Variants in ZDHHC6 observed in about 807,000 individuals in gnomAD.
ZDHHC6 encodes palmitoyltransferase ZDHHC6.
A neutral mutation model predicts 57.8 loss-of-function variants in ZDHHC6; 32 were observed. That is an observed-to-expected ratio of 0.55 (90% CI 0.42 to 0.74). The LOEUF (loss-of-function observed/expected upper bound fraction) is 0.74, where lower values mean the gene tolerates loss of function less well. Ranked by LOEUF, ZDHHC6 falls within the 30% of genes least tolerant of loss-of-function variation. The probability of loss-of-function intolerance (pLI) is 0.00; values close to 1 mark genes in which losing one functional copy is unlikely to be tolerated. For missense variants in ZDHHC6, 433 were observed against 500.7 expected (o/e 0.86, Z 1.29); for synonymous variants, 128 against 158.0 (o/e 0.81, Z 1.42).
rs1189027385 is a variant in ZDHHC6, at chr10:112,443,519, T to C, written c.355A>G (p.Asn119Asp). The C allele has an allele frequency of 3.7e-6, 6 of 1,613,490 alleles. No individual in the cohort carries two copies. The highest frequency in any genetic ancestry group is 5.1e-6 in the Non-Finnish European group (6 of 1,179,616). Residue 119 changes from asparagine (N) to aspartate (D), a missense_variant, in exon 3 of 11, where the codon AAC (asparagine) becomes GAC (aspartate). Coordinates refer to ENST00000369405, the MANE Select transcript of ZDHHC6 (RefSeq NM_022494.3). ...AACAGCAAGAAAGACAGGTACCTGT[T>C]ACACTTTCTGCAGTGATGTGAACGT... is the stretch of plus-strand genomic sequence containing the variant. ...APRSHHCRKC[N>D]RCVMKMDHHC...
At chr10:112,443,669 CG>C in intron 2 of ZDHHC6, 63 bp from the exon 3 acceptor site, 2 of 1,343,050 alleles carry the variant, frequency 1.5e-6, no homozygotes, top group Middle Eastern at 1.8e-4. Flanking sequence ...ATGATTCCTA[CG>C]GTATGATTTT....
intron 4 of ZDHHC6, 72 bp downstream of exon 4, chr10:112,442,120 C>T (rs1846172702): frequency 1.4e-6 from 2 of 1,434,110 alleles, no homozygotes; most frequent in African/African-American, 2.9e-5. Context: ...AAAGGAACCT[C>T]TTAAATGTTG....
chr10:112,430,596 T>A lies in ZDHHC6; in HGVS notation c.*208A>T. On this transcript the variant is annotated 3_prime_UTR_variant, in exon 11 of 11. Transcript: ENST00000369405. Reference sequence around the variant, plus strand: ...TTTTCCTTTGAGGGGGAGGAAGAGGTGGTAAAGAGGGGCAGGAATTCAAAG... The same window carrying A: ...TTTTCCTTTGAGGGGGAGGAAGAGGAGGTAAAGAGGGGCAGGAATTCAAAG... The A allele has an allele frequency of 2.4e-6, 1 of 416,716 alleles. No homozygotes were observed. 25.8% of individuals were successfully genotyped at this position (416,716 alleles called of 1,614,324 possible).
At chr10:112,443,446 T>C in intron 3 of ZDHHC6, 69 bp downstream of exon 3, 1 of 1,343,224 alleles carries the variant, frequency 7.4e-7, no homozygotes. Flanking sequence ...ACTAATGTAG[T>C]ATAAGCAACA....
downstream of ZDHHC6, among the ~76,000 whole-genome samples, chr10:112,429,861 C>T (rs2133721598): frequency 6.6e-6 from 1 of 152,042 alleles, no homozygotes; most frequent in East Asian, 1.9e-4. Context: ...GTGTCAGCAC[C>T]ACTCAGAGCT....
rs2094615358 is a variant in ZDHHC6, at chr10:112,434,444, A to G, written c.756T>C (p.Tyr252=). The change falls in exon 7 of 11, where the codon TAT becomes TAC. Residue 252 remains tyrosine (Y), a synonymous_variant. Coordinates refer to ENST00000369405, the MANE Select transcript of ZDHHC6 (RefSeq NM_022494.3). The part of the protein sequence containing the change: ...IEEKAKDRIQ[Y]YQLDEVFVFP... ...AAACAAAGACTTCATCTAGTTGATA[A>G]TACTGAATTCGATCTTTAGCCTGTG... 6.2e-7 allele frequency: 1 copy of G among 1,613,120 alleles called. No homozygotes were observed. The highest frequency in any genetic ancestry group is 8.5e-7 in the Non-Finnish European group (1 of 1,179,594).
At chr10:112,425,601 A>C (rs967876056), downstream of ZDHHC6, 5 of 929,216 alleles carry the variant, frequency 5.4e-6, no homozygotes, top group Non-Finnish European at 7.4e-6. Flanking sequence ...AAACTAAAAA[A>C]AAAAAAAAAA....
upstream of ZDHHC6, chr10:112,447,268 C>A: frequency 7.9e-7 from 1 of 1,260,850 alleles, no homozygotes; most frequent in South Asian, 1.3e-5. Flanking sequence ...CCGTTCTGCT[C>A]TCGGGGGCAC....
chr10:112,442,399 C>T (rs1846203481), intron 3 of ZDHHC6, 48 bp from the exon 4 acceptor site: 5 of 1,555,550 alleles, frequency 3.2e-6, no homozygotes, highest in Non-Finnish European at 3.5e-6. Context: ...ATCCTGTCTA[C>T]TTTAAATAAC....
In ZDHHC6 at chr10:112,445,180, C is replaced by A; in HGVS notation, c.257G>T (p.Gly86Val). 6.2e-7 allele frequency: 1 copy of A among 1,612,402 alleles called. No homozygotes were observed. The highest frequency in any genetic ancestry group is 8.5e-7 in the Non-Finnish European group (1 of 1,178,678). The change falls in exon 2 of 11, where the codon GGG (glycine) becomes GTG (valine). Residue 86 changes from glycine (G) to valine (V), a missense_variant. Gly to Val is a moderately radical substitution (Grantham distance 109). Transcript: ENST00000369405. ...MFVGPGFVPL[G>V]WKPEISQDTM... Reference sequence around the variant, plus strand: ...CAGAATCTTTCTTACCGGTTTCCACCCCAGAGGGACAAAGCCCGGACCGAC... The same window carrying A: ...CAGAATCTTTCTTACCGGTTTCCACACCAGAGGGACAAAGCCCGGACCGAC...
upstream of ZDHHC6, chr10:112,447,325 CCTTTCCCTGACCTAGG>C: frequency 6.3e-7 from 1 of 1,588,494 alleles, no homozygotes; most frequent in Non-Finnish European, 8.6e-7. Flanking sequence ...CCCTCGAGGC[CCTTTCCCTGACCTAGG>C]CTTTGGCCTG....
Position 112,430,917 on chromosome 10 carries a change from A to G in ZDHHC6, c.1139-10T>C. 1 of 1,609,194 alleles carries G rather than the reference A, an allele frequency of 6.2e-7. No homozygotes were observed. ...CTTATTCTTGAAACACCTGAGGGAG[A>G]AAATGAAATTGAGGTGAAATAGTCT... On this transcript the variant is annotated splice_polypyrimidine_tract_variant and intron_variant, in intron 10 of 10. Coordinates refer to ENST00000369405, the MANE Select transcript of ZDHHC6 (RefSeq NM_022494.3).
intron 5 of ZDHHC6, 23 bp downstream of exon 5, chr10:112,440,511 C>G: frequency 6.2e-7 from 1 of 1,607,046 alleles, no homozygotes; most frequent in South Asian, 1.1e-5. Flanking sequence ...ACACTTTTGA[C>G]TTGAGGTAAT....
At chr10:112,434,238 G>A in intron 7 of ZDHHC6, 59 bp downstream of exon 7, 4 of 1,447,682 alleles carry the variant, frequency 2.8e-6, no homozygotes, top group Non-Finnish European at 3.7e-6. Context: ...GAGTTGAGGG[G>A]GAGTTAAGGG....
At chr10:112,426,357 C>A, downstream of ZDHHC6, 1 of 1,613,656 alleles carries the variant, frequency 6.2e-7, no homozygotes, top group Non-Finnish European at 8.5e-7. Flanking sequence ...GTGCCAAAAC[C>A]AAGTAAGTCT....
chr10:112,427,302 C>A, downstream of ZDHHC6: 1 of 1,613,876 alleles, frequency 6.2e-7, no homozygotes, highest in Non-Finnish European at 8.5e-7. Flanking sequence ...GCGAGGAGAG[C>A]TTTCCAAATA....
chr10:112,430,683 A>G lies in ZDHHC6; in HGVS notation c.*121T>C. On this transcript the variant is annotated 3_prime_UTR_variant, in exon 11 of 11. Transcript: ENST00000369405. Reference sequence around the variant, plus strand: ...ATAAAAATATTTAAATCATGGCACTAGGGCACCTTTGAGGAAAAGAACATC... The same window carrying G: ...ATAAAAATATTTAAATCATGGCACTGGGGCACCTTTGAGGAAAAGAACATC... The G allele has an allele frequency of 2.7e-6, 2 of 736,490 alleles. No homozygotes were observed. The highest frequency in any genetic ancestry group is 4.1e-6 in the Non-Finnish European group (2 of 484,056). 45.6% of individuals were successfully genotyped at this position (736,490 alleles called of 1,614,324 possible).
chr10:112,440,360 G>A (rs1054887234), intron 5 of ZDHHC6, among the ~76,000 whole-genome samples, 174 bp downstream of exon 5: 3 of 152,106 alleles, frequency 2.0e-5, no homozygotes, highest in East Asian at 3.8e-4. Context: ...AGAAATTCTG[G>A]CAAAATTAAA....
In ZDHHC6 at chr10:112,443,507, A is replaced by T; in HGVS notation, c.359+8T>A. ...CAGTCCTCGCTGAACAGCAAGAAAG[A>T]CAGGTACCTGTTACACTTTCTGCAG... On this transcript the variant is annotated splice_region_variant and intron_variant, in intron 3 of 10. Transcript: ENST00000369405. 6.2e-7 allele frequency: 1 copy of T among 1,613,264 alleles called. No homozygotes were observed. The highest frequency in any genetic ancestry group is 8.5e-7 in the Non-Finnish European group (1 of 1,179,416).
Sources: gnomAD v4.1 joint callset for allele counts (sites outside exome capture counted in the v4.1 genomes callset) on GRCh38, gnomAD v4.1.1 for gene constraint, MANE v1.5 for transcripts, NCBI Gene and HGNC (gene_info 2026-07-23, HGNC 2026-07-21) for gene names.